Variants in ARHGAP17 observed in about 807,000 individuals in gnomAD.
ARHGAP17 encodes rho GTPase-activating protein 17.
Under a neutral mutation model 99.5 loss-of-function variants are expected in ARHGAP17, and 57 were observed. The observed-to-expected ratio is 0.57, with a 90% CI of 0.46 to 0.71. The LOEUF is 0.71. ARHGAP17 is among the 30% of genes least tolerant of loss of function. The pLI is 0.00. For missense variants in ARHGAP17, 1,000 were observed against 1,122.4 expected (o/e 0.89, Z 1.56); for synonymous variants, 417 against 429.6 (o/e 0.97, Z 0.36).
intron 1 of ARHGAP17, among the ~76,000 whole-genome samples, chr16:24,997,820 T>C (rs2053240941): frequency 6.6e-6 from 1 of 152,014 alleles, no homozygotes; most frequent in Non-Finnish European, 1.5e-5. Flanking sequence ...TACAATGAGG[T>C]CAGCTCTGGA....
chr16:25,004,498 T>C (rs1044729922), intron 1 of ARHGAP17, among the ~76,000 whole-genome samples: 4 of 152,238 alleles, frequency 2.6e-5, no homozygotes, highest in African/African-American at 9.6e-5. Context: ...AATGACCACG[T>C]GATATCCAAG....
intron 3 of ARHGAP17, among the ~76,000 whole-genome samples, chr16:24,974,899 C>T (rs1352561739): frequency 2.0e-5 from 3 of 152,138 alleles, no homozygotes; most frequent in Non-Finnish European, 4.4e-5. Flanking sequence ...GTAATCCCAA[C>T]ACTTTGAGAG....
chr16:24,954,866 T>C (rs1398952910), intron 9 of ARHGAP17, 136 bp from the exon 10 acceptor site: 2 of 1,253,958 alleles, frequency 1.6e-6, no homozygotes, highest in Non-Finnish European at 2.2e-6. Context: ...ATCTGTTCTA[T>C]TTGCTTTTGT....
chr16:24,967,530 G>C (rs13335347), intron 6 of ARHGAP17, among the ~76,000 whole-genome samples: 10,604 of 152,122 alleles, frequency 0.07, 1,214 homozygotes, highest in African/African-American at 0.24. Flanking sequence ...CTCCACTGAG[G>C]GCCAGGTACC....
At chr16:24,979,704 TTTATTATTA>T (rs532237734) in intron 1 of ARHGAP17, among the ~76,000 whole-genome samples, 1 of 150,508 alleles carries the variant, frequency 6.6e-6, no homozygotes. Context: ...TAATTTTTAT[TTTATTATTA>T]TTATTATTAT....
chr16:25,013,151 T>C (rs1311491471), intron 1 of ARHGAP17, among the ~76,000 whole-genome samples: 1 of 152,224 alleles, frequency 6.6e-6, no homozygotes. Flanking sequence ...TGCTGTAGCA[T>C]CATAGAAGGC....
In ARHGAP17 at chr16:24,954,588, C is replaced by A; in HGVS notation, c.852+15G>T. On this transcript the variant is annotated intron_variant, in intron 10 of 19. Coordinates refer to ENST00000289968, the MANE Select transcript of ARHGAP17 (RefSeq NM_001006634.3). ...CATGGAGACTTGGTGCACAGGATCA[C>A]GAAGCTCCCCTCACCTCCTCCTTCA... 1 of 1,608,558 alleles carries A rather than the reference C, an allele frequency of 6.2e-7. No homozygotes were observed. The highest frequency in any genetic ancestry group is 8.5e-7 in the Non-Finnish European group (1 of 1,177,196).
At chr16:24,923,086 C>G (rs2050756740) in intron 19 of ARHGAP17, among the ~76,000 whole-genome samples, 2 of 152,130 alleles carry the variant, frequency 1.3e-5, no homozygotes, top group South Asian at 4.2e-4. Context: ...CCTAAGGCAG[C>G]AGAAATAAGA....
intron 19 of ARHGAP17, among the ~76,000 whole-genome samples, chr16:24,924,163 C>G (rs1773133609): frequency 6.6e-6 from 1 of 152,096 alleles, no homozygotes; most frequent in South Asian, 2.1e-4. Context: ...GGAATGCCTT[C>G]CTTCACCAGT....
At chr16:24,957,076 A>G (rs952354070) in intron 9 of ARHGAP17, 3 of 152,396 alleles carry the variant, frequency 2.0e-5, no homozygotes, top group African/African-American at 7.2e-5. Context: ...GAGAGCATGG[A>G]GCAGAGTGGG....
At chr16:24,970,729 G>C in intron 3 of ARHGAP17, 149 bp from the exon 4 acceptor site, 1 of 691,132 alleles carries the variant, frequency 1.4e-6, no homozygotes, top group Non-Finnish European at 2.5e-6. Flanking sequence ...TGGTCTCACA[G>C]ATATTAGTTG....
intron 7 of ARHGAP17, among the ~76,000 whole-genome samples, chr16:24,961,634 G>A (rs181985282): frequency 0.018 from 2,692 of 145,994 alleles, 37 homozygotes; most frequent in Non-Finnish European, 0.028. Flanking sequence ...GGGTTCAAGC[G>A]ATTCTCCTGC....
Position 24,930,954 on chromosome 16 carries a change from C to A in ARHGAP17, c.2345G>T (p.Gly782Val), listed in dbSNP as rs28365822. ...SLPAPQTLAG[G>V]NPETAQPHAG... ...ATGTGGCTGTGCAGTTTCAGGGTTACCCCCTGCCAGGGTCTGAGGAGCTGG... is the reference window on the plus strand; with the variant it reads ...ATGTGGCTGTGCAGTTTCAGGGTTAACCCCTGCCAGGGTCTGAGGAGCTGG... Residue 782 changes from glycine (G) to valine (V), a missense_variant, in exon 19 of 20, where the codon GGT (glycine) becomes GTT (valine). Gly to Val is a moderately radical substitution (Grantham distance 109). Coordinates refer to ENST00000289968, the MANE Select transcript of ARHGAP17 (RefSeq NM_001006634.3). 6.2e-7 allele frequency: 1 copy of A among 1,613,852 alleles called. No homozygotes were observed.
intron 1 of ARHGAP17, among the ~76,000 whole-genome samples, chr16:25,002,963 C>G (rs1185780412): frequency 7.2e-6 from 1 of 139,704 alleles, no homozygotes; most frequent in East Asian, 2.4e-4. Context: ...CGCTTGAACC[C>G]AGGAGACGGA....
At chr16:25,014,967 G>A (rs1215136278) in intron 1 of ARHGAP17, among the ~76,000 whole-genome samples, 1 of 152,104 alleles carries the variant, frequency 6.6e-6, no homozygotes, top group Non-Finnish European at 1.5e-5. Context: ...TGGCGGAGGA[G>A]GCGGCGGCCC....
At chr16:24,949,540 A>G in intron 12 of ARHGAP17, 56 bp from the exon 13 acceptor site, 1 of 1,472,188 alleles carries the variant, frequency 6.8e-7, no homozygotes. Flanking sequence ...TTATCTTATT[A>G]ATATGCTATG....
At chr16:24,991,558 G>A (rs1391053746) in intron 1 of ARHGAP17, among the ~76,000 whole-genome samples, 3 of 152,258 alleles carry the variant, frequency 2.0e-5, no homozygotes, top group Admixed American at 6.5e-5. Flanking sequence ...TGACAACACC[G>A]TGTGGGATGG....
intron 3 of ARHGAP17, among the ~76,000 whole-genome samples, chr16:24,975,681 T>C (rs541862991): frequency 6.6e-6 from 1 of 152,318 alleles, no homozygotes; most frequent in Admixed American, 6.5e-5. Context: ...ATCTGCATAC[T>C]ATTAATAGTT....
rs569123664 is a variant in ARHGAP17, at chr16:24,965,158, T to C, written c.462-850A>G. On this transcript the variant is annotated intron_variant, in intron 6 of 19. Coordinates refer to ENST00000289968, the MANE Select transcript of ARHGAP17 (RefSeq NM_001006634.3). ...CTATCACTTTAAATGTAAACATAGA[T>C]GTTATAAAATGCAGCAAGAAAACCC... is the stretch of plus-strand genomic sequence containing the variant. Among the ~76,000 whole-genome samples, 13 of 150,606 alleles carry C rather than the reference T, an allele frequency of 8.6e-5. No homozygotes were observed. In the South Asian group the frequency reaches 2.7e-3, roughly 32 times the overall value.
Sources: gnomAD v4.1 joint callset for allele counts (sites outside exome capture counted in the v4.1 genomes callset) on GRCh38, gnomAD v4.1.1 for gene constraint, MANE v1.5 for transcripts, NCBI Gene and HGNC (gene_info 2026-07-23, HGNC 2026-07-21) for gene names.